SLC6A18: variants seen among roughly 807,000 people sequenced by gnomAD.
The protein encoded by SLC6A18 is solute carrier family 6 member 18, also known as inactive sodium-dependent neutral amino acid transporter B(0)AT3.
In SLC6A18, 58 loss-of-function variants were observed where a neutral mutation model predicts 62.9. The observed-to-expected ratio is 0.92, with a 90% CI of 0.75 to 1.15. SLC6A18 has a LOEUF of 1.15. Among genes scored for constraint, SLC6A18 ranks in the 50% most tolerant of loss-of-function variants. The pLI is 0.00. For synonymous variants in SLC6A18, 382 were observed against 365.8 expected (o/e 1.04, Z -0.51); for missense variants, 793 against 836.6 (o/e 0.95, Z 0.64).
chr5:1,237,244 A>G (rs1369053248), intron 4 of SLC6A18, among the ~76,000 whole-genome samples: 1 of 149,336 alleles, frequency 6.7e-6, no homozygotes, highest in Non-Finnish European at 1.5e-5. Flanking sequence ...CTGTCTCAAA[A>G]AAAAAAAAAA....
intron 2 of SLC6A18, 62 bp from the exon 3 acceptor site, chr5:1,232,689 C>T: frequency 6.5e-7 from 1 of 1,545,708 alleles, no homozygotes; most frequent in South Asian, 1.2e-5. Context: ...ATTCTCACTG[C>T]TTCTGGGCAG....
In SLC6A18 at chr5:1,244,727, T is replaced by A; in HGVS notation, c.1616T>A (p.Phe539Tyr). Residue 539 changes from phenylalanine to tyrosine, a missense_variant, in exon 11 of 12, where the codon TTC (phenylalanine) becomes TAC (tyrosine). Physicochemically the swap from Phe to Tyr is conservative, Grantham distance 22. Coordinates refer to ENST00000324642, the MANE Select transcript of SLC6A18 (RefSeq NM_182632.3). The stretch of plus-strand genomic sequence containing the variant: ...TTTGTGGCTTACATCATCCTCCTGT[T>A]CTGGAAGCCACTGAGATACAAGGCC... ...TIFVAYIILL[F>Y]WKPLRYKAWN... The A allele has an allele frequency of 3.7e-6, 6 of 1,611,844 alleles. No homozygotes were observed. The highest frequency in any genetic ancestry group is 5.1e-6 in the Non-Finnish European group (6 of 1,178,108).
In SLC6A18 at chr5:1,241,115, G is replaced by A. The variant is rs867404391; in HGVS notation, c.974+456G>A. On this transcript the variant is annotated intron_variant, in intron 7 of 11. Transcript: ENST00000324642. This position sits in a 1 kb window ranked among gnomAD's most constrained non-coding sequence, Gnocchi z 7.8. Reference sequence around the variant, plus strand: ...TTCAGATGTCACAGTACTCCGGAACGGGAGAGGATGATTTCCCGTGGTTTT... The same window carrying A: ...TTCAGATGTCACAGTACTCCGGAACAGGAGAGGATGATTTCCCGTGGTTTT... Among the ~76,000 whole-genome samples the A allele has an allele frequency of 5.9e-5, 9 of 152,180 alleles. No individual in the cohort carries two copies. The highest frequency in any genetic ancestry group is 2.6e-4 in the Admixed American group (4 of 15,276).
chr5:1,235,546 A>G lies in SLC6A18; in HGVS notation c.505A>G (p.Ile169Val). ...SYFWYRQTLN[I>V]TADINDSGSI... Reference sequence around the variant, plus strand: ...CTTCTGGTACCGGCAGACACTGAACATCACAGCCGACATCAATGACAGTGG... The same window carrying G: ...CTTCTGGTACCGGCAGACACTGAACGTCACAGCCGACATCAATGACAGTGG... Residue 169 changes from isoleucine (I) to valine (V), a missense_variant, in exon 4 of 12, where the codon ATC (isoleucine) becomes GTC (valine). By Grantham distance (29) the Ile-to-Val change is conservative. Transcript: ENST00000324642. 2.5e-6 allele frequency: 4 copies of G among 1,614,068 alleles called. No homozygotes were observed. The highest frequency in any genetic ancestry group is 1.1e-5 in the South Asian group (1 of 91,082).
chr5:1,232,617 G>C, intron 2 of SLC6A18, 134 bp from the exon 3 acceptor site: 2 of 1,309,564 alleles, frequency 1.5e-6, no homozygotes, highest in Non-Finnish European at 2.1e-6. Context: ...TGAGGTGTGA[G>C]GGAGGCCTGG....
Position 1,243,360 on chromosome 5 carries a change from C to A in SLC6A18, c.1132-195C>A, listed in dbSNP as rs4075202. Among the ~76,000 whole-genome samples the A allele has an allele frequency of 0.044, 6,711 of 152,254 alleles. 226 individuals carry two copies. Among genetic ancestry groups the A allele is most frequent in the Non-Finnish European group, 0.061 (4,114 of 67,994 alleles). Reference sequence around the variant, plus strand: ...TGGGTTATTAAAGGGGAAGGACCCTCCCCTGCAGAGTTGCGCTTGCAGCCT... The same window carrying A: ...TGGGTTATTAAAGGGGAAGGACCCTACCCTGCAGAGTTGCGCTTGCAGCCT... On this transcript the variant is annotated intron_variant, in intron 8 of 11. Coordinates refer to ENST00000324642, the MANE Select transcript of SLC6A18 (RefSeq NM_182632.3). The surrounding 1 kb of genome is among the most constrained non-coding windows in gnomAD (Gnocchi z 6.5).
At chr5:1,229,044 G>A (rs985361554) in intron 1 of SLC6A18, among the ~76,000 whole-genome samples, 4 of 152,214 alleles carry the variant, frequency 2.6e-5, no homozygotes, top group Admixed American at 6.5e-5. Flanking sequence ...AGTGCCCTCC[G>A]TGCTGGACTT....
In SLC6A18 at chr5:1,239,557, G is replaced by A. The variant is rs138472163; in HGVS notation, c.840G>A (p.Ser280=). 8.7e-6 allele frequency: 14 copies of A among 1,613,044 alleles called. No homozygotes were observed. Among genetic ancestry groups the A allele is most frequent in the Middle Eastern group, 1.6e-4 (1 of 6,082 alleles). The part of the protein sequence containing the change: ...GGHIAFASYN[S]PRNDCQKDAV... ...ACATCGCTTTTGCAAGTTACAACTC[G>A]CCCAGGTAGGCAGTCGGGCTCAGCT... Residue 280 remains serine, a synonymous_variant, in exon 6 of 12, where the codon TCG becomes TCA. Transcript: ENST00000324642.
chr5:1,237,240 CAAAAAA>C (rs61528804), intron 4 of SLC6A18, among the ~76,000 whole-genome samples: 2 of 76,482 alleles, frequency 2.6e-5, no homozygotes, highest in African/African-American at 5.4e-5. Flanking sequence ...GACTCTGTCT[CAAAAAA>C]AAAAAAAAAA....
chr5:1,230,222 G>A (rs1746694734), intron 1 of SLC6A18, among the ~76,000 whole-genome samples: 1 of 151,668 alleles, frequency 6.6e-6, no homozygotes, highest in South Asian at 2.1e-4. Context: ...GGCTCTCACG[G>A]TACAGGCTGG....
intron 1 of SLC6A18, among the ~76,000 whole-genome samples, chr5:1,229,352 A>G (rs1159797537): frequency 1.3e-5 from 2 of 151,856 alleles, no homozygotes; most frequent in South Asian, 4.2e-4. Context: ...CTCTCCCCTA[A>G]ATACAGCAGA....
rs140965680 is a variant in SLC6A18, at chr5:1,246,042, A to G, written c.1851A>G (p.Pro617=). 1.9e-4 allele frequency: 299 copies of G among 1,592,140 alleles called. No homozygotes were observed. Among genetic ancestry groups the G allele is most frequent in the East Asian group, 1.6e-3 (69 of 44,262 alleles). ...TDMRPDTDTR[P]DTDMRPDTDM... is the part of the protein sequence containing the mutation. The stretch of plus-strand genomic sequence containing the variant: ...TGCGCCCGGACACGGACACGCGCCC[A>G]GACACGGACATGCGCCCGGACACGG... The change falls in exon 12 of 12, where the codon CCA becomes CCG. Residue 617 remains proline, a synonymous_variant. Coordinates refer to ENST00000324642, the MANE Select transcript of SLC6A18 (RefSeq NM_182632.3).
At chr5:1,240,711 G>A in intron 7 of SLC6A18, 52 bp downstream of exon 7, 1 of 1,605,328 alleles carries the variant, frequency 6.2e-7, no homozygotes, top group South Asian at 1.1e-5. Flanking sequence ...CCAGACAGGT[G>A]CCTGCCGCAC....
At position 1,240,470 on chromosome 5, in the gene SLC6A18, C is replaced by T. The variant is rs893431014; in HGVS notation, c.846-61C>T. The T allele has an allele frequency of 6.9e-6, 11 of 1,602,976 alleles. No homozygotes were observed. The Admixed American group carries it at 1.7e-4, about 24-fold the overall frequency. On this transcript the variant is annotated intron_variant, in intron 6 of 11. Transcript: ENST00000324642. ...GAGGGAAGCCCCCTCCTCACTTCCT[C>T]CCCTGGATGAGGCCCAGTTACCTCC...
At chr5:1,232,440 T>A in intron 2 of SLC6A18, 81 bp downstream of exon 2, 344 of 1,190,848 alleles carry the variant, frequency 2.9e-4, no homozygotes, top group Non-Finnish European at 3.8e-4. Flanking sequence ...CGGGGGCGGG[T>A]CCATGCCTGT....
rs557464294 is a variant in SLC6A18 at position 1,243,921 on chromosome 5, G to T, written c.1336+162G>T. ...CTACTCCTTGCTGACAGCCATCAAC[G>T]GAGAGCCGAGGGTCGAGGGAGGGTC... On this transcript the variant is annotated intron_variant, in intron 9 of 11. Transcript: ENST00000324642. This position sits in a 1 kb window ranked among gnomAD's most constrained non-coding sequence, Gnocchi z 6.5. Among the ~76,000 whole-genome samples, 1 of 152,174 alleles carries T rather than the reference G, an allele frequency of 6.6e-6. No homozygotes were observed. The highest frequency in any genetic ancestry group is 2.1e-4 in the South Asian group (1 of 4,830).
At chr5:1,233,666 C>G (rs973991010) in intron 3 of SLC6A18, among the ~76,000 whole-genome samples, 9 of 151,452 alleles carry the variant, frequency 5.9e-5, no homozygotes, top group Admixed American at 6.6e-5. Flanking sequence ...TCACTGCAAC[C>G]TCCAACTCCT....
At chr5:1,238,123 C>A in intron 5 of SLC6A18, 63 bp downstream of exon 5, 2 of 1,293,370 alleles carry the variant, frequency 1.5e-6, no homozygotes, top group Non-Finnish European at 2.2e-6. Context: ...CTGTGGCCAG[C>A]AGCTCCCTCC....
rs768180654 is a variant in SLC6A18 at position 1,245,858 on chromosome 5, C to T, written c.1667C>T (p.Pro556Leu). The change falls in exon 12 of 12, where the codon CCC (proline) becomes CTC (leucine). Residue 556 changes from proline to leucine, a missense_variant. Coordinates refer to ENST00000324642, the MANE Select transcript of SLC6A18 (RefSeq NM_182632.3). ...KAWNPKYELF[P>L]SRQEKLYPGW... ...GCTGTGGTCCCGCAGGAGCTGTTCC[C>T]CTCGCGTCAGGAGAAGCTCTACCCG... 24 of 1,607,386 alleles carry T rather than the reference C, an allele frequency of 1.5e-5. No homozygotes were observed. The highest frequency in any genetic ancestry group is 2.0e-5 in the Non-Finnish European group (23 of 1,178,364).
Sources: allele counts gnomAD v4.1 joint callset (sites outside exome capture counted in the v4.1 genomes callset), GRCh38; gene constraint gnomAD v4.1.1; non-coding constraint Gnocchi (gnomAD v3.1); transcripts MANE v1.5; gene names NCBI Gene and HGNC (gene_info 2026-07-23, HGNC 2026-07-21).